Variants in RUSC1 observed in about 807,000 individuals in gnomAD.
RUSC1 encodes the protein RUN and SH3 domain containing 1.
A neutral mutation model predicts 72.1 loss-of-function variants in RUSC1; 40 were observed. The ratio of observed to expected loss-of-function variants is 0.55; its 90% confidence interval spans 0.43 to 0.72. The LOEUF is 0.72. RUSC1 is among the 30% of genes least tolerant of loss of function. The pLI is 0.00. For synonymous variants in RUSC1, 512 were observed against 494.2 expected (o/e 1.04, Z -0.48); for missense variants, 1,092 against 1,172.3 (o/e 0.93, Z 1.00).
At chr1:155,328,508 G>A (rs947183313) in intron 9 of RUSC1, among the ~76,000 whole-genome samples, 1 of 151,550 alleles carries the variant, frequency 6.6e-6, no homozygotes, top group Non-Finnish European at 1.5e-5. Context: ...GCACAATCTC[G>A]GCTCACTGCA....
At position 155,321,892 on chromosome 1, in the gene RUSC1, C is replaced by A; in HGVS notation, c.119C>A (p.Pro40His). 1 of 1,612,436 alleles carries A rather than the reference C, an allele frequency of 6.2e-7. No individual in the cohort carries two copies. The highest frequency in any genetic ancestry group is 1.1e-5 in the South Asian group (1 of 90,992). ...CTACAGGAGGGGCCTTTGAGCACACCCCCTCCTCCAGGAGACACTGGGGGC... is the reference window on the plus strand; with the variant it reads ...CTACAGGAGGGGCCTTTGAGCACACACCCTCCTCCAGGAGACACTGGGGGC... ...PELQEGPLST[P>H]PPPGDTGGKE... is the part of the protein sequence containing the mutation. The change falls in exon 2 of 10, where the codon CCC (proline) becomes CAC (histidine). Residue 40 changes from proline (P) to histidine (H), a missense_variant. By Grantham distance (77) the Pro-to-His change is moderately conservative. Coordinates refer to ENST00000368352, the MANE Select transcript of RUSC1 (RefSeq NM_001105203.2).
At chr1:155,327,187 C>T (rs1386509417) in intron 8 of RUSC1, 55 bp downstream of exon 8, 25 of 1,500,764 alleles carry the variant, frequency 1.7e-5, no homozygotes, top group Admixed American at 4.4e-5. Context: ...GATCTCCTAG[C>T]GGCTTCATTT....
intron 2 of RUSC1, chr1:155,323,794 T>TCGCCTC: frequency 2.3e-6 from 1 of 426,068 alleles, no homozygotes; most frequent in Non-Finnish European, 3.0e-6. Context: ...CAGGAGCCCA[T>TCGCCTC]CGCCTCCGCC....
At position 155,329,208 on chromosome 1, in the gene RUSC1, C is replaced by T. The variant is rs566637124; in HGVS notation, c.2540+933C>T. ...TCAAGTGATTCTCCTGCCTCAGCCT[C>T]CAGAGTAGCTGGGATTACAGGCACC... On this transcript the variant is annotated intron_variant, in intron 9 of 9. Transcript: ENST00000368352. Among the ~76,000 whole-genome samples, 9 of 151,022 alleles carry T rather than the reference C, an allele frequency of 6.0e-5. No homozygotes were observed. The East Asian group carries it at 1.8e-3, about 30-fold the overall frequency.
chr1:155,326,013 C>A lies in RUSC1; in HGVS notation c.1861+103C>A. The A allele has an allele frequency of 8.2e-7, 1 of 1,214,828 alleles. No individual in the cohort carries two copies. Among genetic ancestry groups the A allele is most frequent in the Non-Finnish European group, 1.2e-6 (1 of 819,126 alleles). 75.3% of individuals were successfully genotyped at this position (1,214,828 alleles called of 1,614,324 possible). A position where few individuals can be genotyped will look rare whatever the true frequency, so the allele number is the denominator to read the frequency against. On this transcript the variant is annotated intron_variant, in intron 7 of 9. Coordinates refer to ENST00000368352, the MANE Select transcript of RUSC1 (RefSeq NM_001105203.2). The surrounding 1 kb of genome is among the most constrained non-coding windows in gnomAD (Gnocchi z 4.7). ...CCACTGCTGCCAGAATGCCATTAAT[C>A]CAGATCTCCGATCTTATTACTCTTC...
In RUSC1 at chr1:155,326,071, A is replaced by C. The variant is rs1428789503; in HGVS notation, c.1861+161A>C. 1.3e-6 allele frequency: 1 copy of C among 779,374 alleles called. No homozygotes were observed. Among genetic ancestry groups the C allele is most frequent in the African/African-American group, 1.7e-5 (1 of 57,724 alleles). The allele number at this position is 779,374 out of a possible 1,614,324, so 48.3% of individuals were successfully genotyped here. On this transcript the variant is annotated intron_variant, in intron 7 of 9. Transcript: ENST00000368352. The surrounding 1 kb of genome is among the most constrained non-coding windows in gnomAD (Gnocchi z 4.7). ...AACTTTCTAAGGAGGCCCATCGCCC[A>C]TAGGATGAAAGACCCAAAGCCTTGG...
intron 1 of RUSC1, 134 bp from the exon 2 acceptor site, chr1:155,321,554 C>T: frequency 1.5e-6 from 2 of 1,321,516 alleles, no homozygotes; most frequent in Non-Finnish European, 2.1e-6. Flanking sequence ...CAGTCGATTG[C>T]GATTTGCATC....
Position 155,320,900 on chromosome 1 carries a change from G to C in RUSC1, c.-178G>C. ...GCGCAGCGCAGGGTAGGTTGTGCTA[G>C]TGCCCCTCCCCTCCCGCTCTGTGCC... On this transcript the variant is annotated 5_prime_UTR_variant, in exon 1 of 10. Coordinates refer to ENST00000368352, the MANE Select transcript of RUSC1 (RefSeq NM_001105203.2). 6.3e-7 allele frequency: 1 copy of C among 1,597,944 alleles called. No individual in the cohort carries two copies.
intron 1 of RUSC1, chr1:155,321,204 G>A (rs1180585892): frequency 7.3e-7 from 1 of 1,362,962 alleles, no homozygotes; most frequent in East Asian, 4.6e-5. Flanking sequence ...GAGTTGACAA[G>A]CTGACGGCTG....
Position 155,320,969 on chromosome 1 carries a change from G to A in RUSC1, c.-109G>A, listed in dbSNP as rs1650353729. 2 of 1,546,288 alleles carry A rather than the reference G, an allele frequency of 1.3e-6. No homozygotes were observed. Among genetic ancestry groups the A allele is most frequent in the African/African-American group, 1.4e-5 (1 of 72,922 alleles). On this transcript the variant is annotated 5_prime_UTR_variant, in exon 1 of 10. Coordinates refer to ENST00000368352, the MANE Select transcript of RUSC1 (RefSeq NM_001105203.2). ...GGGAGCCGCGGACAAGCCCAAGGCCGGAGCGGTTCCAGGAGGACCCTGGTG... is the reference window on the plus strand; with the variant it reads ...GGGAGCCGCGGACAAGCCCAAGGCCAGAGCGGTTCCAGGAGGACCCTGGTG...
chr1:155,330,330 A>G (rs899998689), intron 9 of RUSC1, 73 bp from the exon 10 acceptor site: 10 of 1,499,950 alleles, frequency 6.7e-6, no homozygotes, highest in Non-Finnish European at 9.2e-6. Context: ...AGGGCACTCT[A>G]GAGGTGACGC....
chr1:155,329,125 C>T (rs183224274), intron 9 of RUSC1, among the ~76,000 whole-genome samples: 137 of 152,106 alleles, frequency 9.0e-4, no homozygotes, highest in Non-Finnish European at 1.7e-3. Context: ...GTCTCACTCT[C>T]GCCCAGGCTG....
intron 1 of RUSC1, chr1:155,321,221 C>T (rs1650418202): frequency 1.5e-6 from 2 of 1,359,980 alleles, no homozygotes; most frequent in African/African-American, 1.5e-5. Flanking sequence ...GCTGCTCCAT[C>T]CTTTTCCTCT....
chr1:155,322,919 C>T lies in RUSC1; in HGVS notation c.1146C>T (p.Ala382=). The T allele has an allele frequency of 6.3e-7, 1 of 1,595,108 alleles. No homozygotes were observed. Among genetic ancestry groups the T allele is most frequent in the Non-Finnish European group, 8.5e-7 (1 of 1,169,644 alleles). ...KELRSRSRAP[A]PPVPPRDPPV... is the part of the protein sequence containing the mutation. ...TCCGGTCCCGAAGCCGGGCCCCAGC[C>T]CCGCCAGTCCCGCCTCGAGACCCCC... Residue 382 remains alanine, a synonymous_variant, in exon 2 of 10, where the codon GCC becomes GCT. Transcript: ENST00000368352.
intron 9 of RUSC1, 99 bp from the exon 10 acceptor site, chr1:155,330,304 C>A: frequency 8.2e-7 from 1 of 1,220,376 alleles, no homozygotes; most frequent in Non-Finnish European, 1.2e-6. Context: ...TCAATGTCCA[C>A]TGAGCCAAAC....
rs376033930 is a variant in RUSC1, at chr1:155,322,186, T to A, written c.413T>A (p.Ile138Asn). Residue 138 changes from isoleucine to asparagine, a missense_variant, in exon 2 of 10, where the codon ATC becomes AAC. Physicochemically the swap from Ile to Asn is moderately radical, Grantham distance 149 (BLOSUM62 -3). Transcript: ENST00000368352. ...GDEDAHPQPS[I>N]IPLEQGSPLA... is the part of the protein sequence containing the mutation. ...GAGGATGCCCACCCTCAGCCCAGTA[T>A]CATCCCCCTGGAGCAGGGCTCCCCA... is the stretch of plus-strand genomic sequence containing the variant. 2 of 1,606,674 alleles carry A rather than the reference T, an allele frequency of 1.2e-6. No individual in the cohort carries two copies. Among genetic ancestry groups the A allele is most frequent in the Non-Finnish European group, 8.5e-7 (1 of 1,175,392 alleles).
intron 2 of RUSC1, 195 bp from the exon 3 acceptor site, chr1:155,324,650 C>T (rs1366212130): frequency 1.3e-6 from 2 of 1,525,870 alleles, no homozygotes; most frequent in African/African-American, 2.8e-5. Flanking sequence ...ACAGCGAGTG[C>T]TGGGAAGTGT....
In RUSC1 at chr1:155,325,201, T is replaced by C; in HGVS notation, c.1533+23T>C. The C allele has an allele frequency of 6.2e-7, 1 of 1,614,000 alleles. No homozygotes were observed. Among genetic ancestry groups the C allele is most frequent in the South Asian group, 1.1e-5 (1 of 91,080 alleles). On this transcript the variant is annotated intron_variant, in intron 4 of 9. Transcript: ENST00000368352. This position sits in a 1 kb window ranked among gnomAD's most constrained non-coding sequence, Gnocchi z 6.5. Reference sequence around the variant, plus strand: ...AAGGTGAAGGTGGCTGGGGGGAGGCTGTTGGGATGAGGAGAGTAATGGAGC... The same window carrying C: ...AAGGTGAAGGTGGCTGGGGGGAGGCCGTTGGGATGAGGAGAGTAATGGAGC...
In RUSC1 at chr1:155,323,080, G is replaced by A. The variant is rs1236403392; in HGVS notation, c.1307G>A (p.Gly436Asp). The change falls in exon 2 of 10, where the codon GGC becomes GAC. Residue 436 changes from glycine to aspartate, a missense_variant. By Grantham distance (94) the Gly-to-Asp change is moderately conservative (BLOSUM62 -1). Transcript: ENST00000368352. Reference protein sequence around the residue: ...EEGRAVSPAAGEEAPAAKEPG... With the variant: ...EEGRAVSPAADEEAPAAKEPG... Reference sequence around the variant, plus strand: ...GGCCGGGCTGTCAGCCCAGCGGCTGGCGAGGAGGCCCCAGCCGCGAAGGAG... The same window carrying A: ...GGCCGGGCTGTCAGCCCAGCGGCTGACGAGGAGGCCCCAGCCGCGAAGGAG... 5 of 1,430,586 alleles carry A rather than the reference G, an allele frequency of 3.5e-6. No homozygotes were observed. Among genetic ancestry groups the A allele is most frequent in the Non-Finnish European group, 2.7e-6 (3 of 1,095,380 alleles). 88.6% of individuals were successfully genotyped at this position (1,430,586 alleles called of 1,614,324 possible). A position where few individuals can be genotyped will look rare whatever the true frequency, so the allele number is the denominator to read the frequency against.
Sources: gnomAD v4.1 joint callset for allele counts (sites outside exome capture counted in the v4.1 genomes callset) on GRCh38, gnomAD v4.1.1 for gene constraint, Gnocchi (gnomAD v3.1) non-coding constraint, MANE v1.5 for transcripts, NCBI Gene and HGNC (gene_info 2026-07-23, HGNC 2026-07-21) for gene names.